Variants in COL25A1 observed in about 807,000 individuals in gnomAD.
COL25A1 encodes collagen type XXV alpha 1 chain.
COL25A1 carries 103 observed loss-of-function variants against 128.4 expected under a neutral mutation model. The ratio of observed to expected loss-of-function variants is 0.80; its 90% CI spans 0.68 to 0.94. The LOEUF is 0.94. Among genes scored for constraint, COL25A1 ranks in the 40% least tolerant of loss-of-function variants. COL25A1 has a pLI of 0.00. For synonymous variants in COL25A1, 279 were observed against 277.2 expected (o/e 1.01, Z -0.06); for missense variants, 745 against 840.0 (o/e 0.89, Z 1.40).
intron 3 of COL25A1, among the ~76,000 whole-genome samples, chr4:109,205,509 C>T (rs1776905453): frequency 1.3e-5 from 2 of 151,904 alleles, no homozygotes; most frequent in Admixed American, 1.3e-4. Flanking sequence ...TTTCAGAGTC[C>T]CCACAGATTG....
intron 5 of COL25A1, among the ~76,000 whole-genome samples, chr4:109,033,498 G>A (rs963157858): frequency 6.6e-6 from 1 of 152,192 alleles, no homozygotes; most frequent in Non-Finnish European, 1.5e-5. Flanking sequence ...GAGAGGTCAA[G>A]TAATAAAACC....
intron 10 of COL25A1, among the ~76,000 whole-genome samples, chr4:108,938,337 C>T (rs561542823): frequency 5.3e-5 from 8 of 152,156 alleles, no homozygotes; most frequent in Admixed American, 1.3e-4. Context: ...CAGTCATTGG[C>T]TAAAAATATT....
chr4:108,863,653 G>C (rs945368135), intron 20 of COL25A1, among the ~76,000 whole-genome samples: 2 of 152,234 alleles, frequency 1.3e-5, no homozygotes, highest in Non-Finnish European at 2.9e-5. Context: ...TGTCTGTGAA[G>C]GTGTTAATGG....
intron 11 of COL25A1, among the ~76,000 whole-genome samples, chr4:108,923,203 A>G (rs1745669139): frequency 6.6e-6 from 1 of 152,240 alleles, no homozygotes; most frequent in Admixed American, 6.5e-5. Context: ...CCTACTCAAA[A>G]ATTGATTTTA....
chr4:109,194,586 C>A (rs1435353593), intron 3 of COL25A1, among the ~76,000 whole-genome samples: 1 of 151,858 alleles, frequency 6.6e-6, no homozygotes, highest in African/African-American at 2.4e-5. Context: ...AATTATATAC[C>A]AAATCGGGCA....
intron 3 of COL25A1, among the ~76,000 whole-genome samples, chr4:109,242,953 T>C (rs1222409870): frequency 6.6e-6 from 1 of 152,192 alleles, no homozygotes; most frequent in Non-Finnish European, 1.5e-5. Context: ...ATTTCTAGTA[T>C]AAATACAATG....
At chr4:108,835,935 G>A (rs1216189479) in intron 31 of COL25A1, among the ~76,000 whole-genome samples, 1 of 115,868 alleles carries the variant, frequency 8.6e-6, no homozygotes, top group Non-Finnish European at 1.7e-5. Context: ...GCAGTGGCGC[G>A]ATCTCAGTTC....
intron 5 of COL25A1, among the ~76,000 whole-genome samples, chr4:109,039,829 T>A (rs771512473): frequency 7.9e-5 from 12 of 152,216 alleles, no homozygotes; most frequent in Non-Finnish European, 1.5e-4. Context: ...AACAATCCTT[T>A]AAAGTCTCTC....
intron 3 of COL25A1, among the ~76,000 whole-genome samples, chr4:109,276,078 A>T (rs1722806375): frequency 6.6e-6 from 1 of 152,150 alleles, no homozygotes. Flanking sequence ...TTATCATTAC[A>T]TGTTCTTACT....
chr4:109,301,267 G>T (rs1330034823), intron 2 of COL25A1, among the ~76,000 whole-genome samples: 2 of 151,870 alleles, frequency 1.3e-5, no homozygotes, highest in Non-Finnish European at 2.9e-5. Context: ...TGAAATTATT[G>T]ATTTTAAATT....
intron 5 of COL25A1, among the ~76,000 whole-genome samples, chr4:109,036,538 T>C (rs1354512960): frequency 6.6e-6 from 1 of 152,152 alleles, no homozygotes; most frequent in Non-Finnish European, 1.5e-5. Flanking sequence ...TGGGTGGATG[T>C]GGAGAGGGCA....
chr4:109,187,684 A>G (rs763657877), intron 3 of COL25A1, among the ~76,000 whole-genome samples: 12 of 152,134 alleles, frequency 7.9e-5, no homozygotes, highest in African/African-American at 1.4e-4. Flanking sequence ...TGGTGGCTTC[A>G]TTTGATTGTA....
At chr4:109,094,680 G>A (rs1765241769) in intron 3 of COL25A1, among the ~76,000 whole-genome samples, 1 of 152,106 alleles carries the variant, frequency 6.6e-6, no homozygotes, top group Non-Finnish European at 1.5e-5. Context: ...ACAGCATTAA[G>A]ATACTACATT....
At chr4:109,083,683 C>T (rs1358031055) in intron 3 of COL25A1, among the ~76,000 whole-genome samples, 3 of 151,816 alleles carry the variant, frequency 2.0e-5, no homozygotes, top group Middle Eastern at 3.4e-3. Flanking sequence ...AGGCTGGTCT[C>T]GAACTCCTGA....
chr4:109,298,614 T>C (rs975564853), intron 3 of COL25A1, among the ~76,000 whole-genome samples: 1 of 152,198 alleles, frequency 6.6e-6, no homozygotes, highest in African/African-American at 2.4e-5. Context: ...AGACAACTCC[T>C]CACTGGCCGT....
chr4:108,958,891 T>C lies in COL25A1; in HGVS notation c.492+15476A>G, dbSNP rs369624156. On this transcript the variant is annotated intron_variant, in intron 8 of 37. Coordinates refer to ENST00000399132, the MANE Select transcript of COL25A1 (RefSeq NM_198721.4). ...ATAAAAATTCTACACTACCACAGAC[T>C]GAAAACCACAAGTATAAAAATAATT... Among the ~76,000 whole-genome samples the C allele has an allele frequency of 4.6e-5, 7 of 152,092 alleles. No homozygotes were observed. In the East Asian group the frequency reaches 1.2e-3, roughly 25 times the overall value.
intron 36 of COL25A1, among the ~76,000 whole-genome samples, chr4:108,818,911 A>G (rs1318528248): frequency 6.6e-6 from 1 of 152,068 alleles, no homozygotes; most frequent in Admixed American, 6.5e-5. Context: ...GTGGAAAACC[A>G]AAAGTTATGG....
chr4:108,898,920 A>G (rs1301951183), intron 15 of COL25A1, among the ~76,000 whole-genome samples: 1 of 152,164 alleles, frequency 6.6e-6, no homozygotes, highest in East Asian at 1.9e-4. Context: ...ATACATAAGA[A>G]TCACACTATT....
chr4:109,169,954 A>G (rs140513930), intron 3 of COL25A1, among the ~76,000 whole-genome samples: 2 of 152,236 alleles, frequency 1.3e-5, no homozygotes, highest in Non-Finnish European at 2.9e-5. Context: ...ATATTCATTT[A>G]TGTGAAAATG....
Sources: gnomAD v4.1 joint callset for allele counts (sites outside exome capture counted in the v4.1 genomes callset) on GRCh38, gnomAD v4.1.1 for gene constraint, MANE v1.5 for transcripts, NCBI Gene and HGNC (gene_info 2026-07-23, HGNC 2026-07-21) for gene names.